LSAMP: variants seen among roughly 807,000 people sequenced by gnomAD.
LSAMP encodes limbic system-associated membrane protein.
In LSAMP, 7 loss-of-function variants were observed where a neutral mutation model predicts 38.6. The ratio of observed to expected loss-of-function variants is 0.18; its 90% CI spans 0.10 to 0.34. The LOEUF (loss-of-function observed/expected upper bound fraction) is 0.34. Among genes scored for constraint, LSAMP ranks in the 10% least tolerant of loss-of-function variants. LSAMP has a pLI of 1.00. For missense variants in LSAMP, 313 were observed against 420.0 expected (o/e 0.75, Z 2.23); for synonymous variants, 154 against 166.8 (o/e 0.92, Z 0.59).
At chr3:115,854,273 ATTATTATTATTTT>A (rs1166022134) in intron 3 of LSAMP, among the ~76,000 whole-genome samples, 27 of 119,544 alleles carry the variant, frequency 2.3e-4, no homozygotes, top group Non-Finnish European at 3.0e-4. Context: ...TATTATTATT[ATTATTATTATTTT>A]TTTTTTTTTT....
At chr3:116,357,304 C>T (rs1298231390) in intron 1 of LSAMP, among the ~76,000 whole-genome samples, 1 of 152,046 alleles carries the variant, frequency 6.6e-6, no homozygotes, top group African/African-American at 2.4e-5. Context: ...AATGAAAACG[C>T]TGTTTTATTA....
intron 1 of LSAMP, among the ~76,000 whole-genome samples, chr3:116,214,416 A>C (rs2046196222): frequency 6.6e-6 from 1 of 152,070 alleles, no homozygotes; most frequent in South Asian, 2.1e-4. Flanking sequence ...CTAAAAAGCC[A>C]GGAATCAGGT....
chr3:116,168,565 T>G (rs1710118488), intron 1 of LSAMP, among the ~76,000 whole-genome samples: 1 of 152,186 alleles, frequency 6.6e-6, no homozygotes, highest in East Asian at 1.9e-4. Flanking sequence ...TCCTTCTGCT[T>G]TTTCTCAGCA....
At chr3:115,860,608 A>C (rs1007108932) in intron 3 of LSAMP, among the ~76,000 whole-genome samples, 4 of 152,170 alleles carry the variant, frequency 2.6e-5, no homozygotes, top group African/African-American at 7.2e-5. Context: ...TGAACCAATA[A>C]ATGAGGGGAA....
At chr3:115,905,037 A>G (rs1033738556) in intron 3 of LSAMP, among the ~76,000 whole-genome samples, 29 of 152,120 alleles carry the variant, frequency 1.9e-4, no homozygotes, top group African/African-American at 7.0e-4. Context: ...AGGGTCCAGC[A>G]CATGGCTGGC....
In LSAMP at chr3:115,862,655, T is replaced by C. The variant is rs554832534; in HGVS notation, c.515-10038A>G. ...TTAAGTATGAATTAAAGTGATGTTC[T>C]TGGAATGTTTCCATTCAACATAAGG... On this transcript the variant is annotated intron_variant, in intron 3 of 6. Transcript: ENST00000490035. 3.3e-5 allele frequency among the ~76,000 whole-genome samples: 5 copies of C among 152,322 alleles called. No homozygotes were observed. In the East Asian group the frequency reaches 9.6e-4, roughly 29 times the overall value.
At chr3:116,302,526 C>T (rs1365642576) in intron 1 of LSAMP, among the ~76,000 whole-genome samples, 1 of 152,230 alleles carries the variant, frequency 6.6e-6, no homozygotes, top group Non-Finnish European at 1.5e-5. Context: ...ATGATTAATG[C>T]ATTGTCTGAC....
At chr3:115,999,727 A>G (rs1428324255) in intron 3 of LSAMP, among the ~76,000 whole-genome samples, 2 of 152,156 alleles carry the variant, frequency 1.3e-5, no homozygotes, top group Non-Finnish European at 2.9e-5. Context: ...AAGGGCAGAT[A>G]AACTAATCGC....
intron 3 of LSAMP, among the ~76,000 whole-genome samples, chr3:115,905,836 A>G (rs188181450): frequency 6.6e-6 from 1 of 152,240 alleles, no homozygotes; most frequent in Admixed American, 6.5e-5. Flanking sequence ...ATTCTAGGGC[A>G]TCAGGAACTC....
intron 6 of LSAMP, among the ~76,000 whole-genome samples, chr3:115,813,268 C>G (rs1480479009): frequency 6.6e-6 from 1 of 151,986 alleles, no homozygotes; most frequent in Non-Finnish European, 1.5e-5. Context: ...GCATTTTTAC[C>G]ATACCTTTCC....
chr3:116,351,076 C>T lies in LSAMP; in HGVS notation c.155+93801G>A, dbSNP rs189850669. Among the ~76,000 whole-genome samples, 1,018 of 151,820 alleles carry T rather than the reference C, an allele frequency of 6.7e-3. 41 individuals are homozygous for T. The highest frequency in any genetic ancestry group is 0.054 in the Admixed American group (824 of 15,208). ...ATCCTCGGTACTTTTTGTAAAGAAA[C>T]CTCTTTTTTTTTCAGCCCTGAAAGT... On this transcript the variant is annotated intron_variant, in intron 1 of 6. Coordinates refer to ENST00000490035, the MANE Select transcript of LSAMP (RefSeq NM_002338.5).
chr3:116,156,136 T>G (rs887594070), intron 1 of LSAMP, among the ~76,000 whole-genome samples: 2 of 152,114 alleles, frequency 1.3e-5, no homozygotes, highest in Admixed American at 1.3e-4. Context: ...TCTCTTTAGA[T>G]CTCATTCAGA....
chr3:115,810,197 G>T lies in LSAMP; in HGVS notation c.*120C>A, dbSNP rs1933771972. 9.2e-6 allele frequency: 6 copies of T among 650,372 alleles called. No homozygotes were observed. Among genetic ancestry groups the T allele is most frequent in the Middle Eastern group, 4.2e-4 (1 of 2,368 alleles). 40.3% of individuals were successfully genotyped at this position (650,372 alleles called of 1,614,324 possible). A position where few individuals can be genotyped will look rare whatever the true frequency, so the allele number is the denominator to read the frequency against. ...CCCCCTTCATGTATAAACACACAAA[G>T]TTGTGAAATAAACGGTCTCCCCCAT... On this transcript the variant is annotated 3_prime_UTR_variant, in exon 7 of 7. Transcript: ENST00000490035.
At chr3:116,186,567 A>G (rs1576419178) in intron 1 of LSAMP, among the ~76,000 whole-genome samples, 1 of 152,286 alleles carries the variant, frequency 6.6e-6, no homozygotes, top group Middle Eastern at 3.4e-3. Context: ...AGAATTAATT[A>G]CATCACACTG....
At chr3:116,436,900 T>C (rs1250673445) in intron 1 of LSAMP, among the ~76,000 whole-genome samples, 5 of 152,076 alleles carry the variant, frequency 3.3e-5, no homozygotes, top group African/African-American at 4.8e-5. Context: ...TGCATGTTTA[T>C]AGCAGCACAA....
At chr3:116,051,768 T>C (rs1042035376) in intron 2 of LSAMP, among the ~76,000 whole-genome samples, 3 of 151,822 alleles carry the variant, frequency 2.0e-5, no homozygotes, top group Admixed American at 1.3e-4. Context: ...TGAGGGCCTC[T>C]CTTGTCATGG....
intron 1 of LSAMP, among the ~76,000 whole-genome samples, chr3:116,325,291 C>T (rs2107734479): frequency 6.6e-6 from 1 of 152,020 alleles, no homozygotes; most frequent in Non-Finnish European, 1.5e-5. Flanking sequence ...CAGGTGTATA[C>T]CACCACACCT....
chr3:116,375,215 C>T (rs2048479870), intron 1 of LSAMP, among the ~76,000 whole-genome samples: 1 of 151,876 alleles, frequency 6.6e-6, no homozygotes, highest in African/African-American at 2.4e-5. Flanking sequence ...ATTTCAACCA[C>T]TGTTGGAAGA....
chr3:116,158,057 A>T (rs7651629), intron 1 of LSAMP, among the ~76,000 whole-genome samples: 82,457 of 151,810 alleles, frequency 0.54, 23,152 homozygotes, highest in East Asian at 0.76. Context: ...CAACATACAC[A>T]AATCAATAAA....
Sources: allele counts gnomAD v4.1 joint callset (sites outside exome capture counted in the v4.1 genomes callset), GRCh38; gene constraint gnomAD v4.1.1; transcripts MANE v1.5; gene names NCBI Gene and HGNC (gene_info 2026-07-23, HGNC 2026-07-21).